The following C8orf34 variants were observed in gnomAD, a reference collection of about 807,000 sequenced individuals.
C8orf34 encodes uncharacterized protein C8orf34.
Under a neutral mutation model 68.3 loss-of-function variants are expected in C8orf34, and 65 were observed. The ratio of observed to expected loss-of-function variants is 0.95; its 90% CI spans 0.78 to 1.17. The LOEUF is 1.17. C8orf34 is among the 50% of genes most tolerant of loss of function. The pLI is 0.00. For missense variants in C8orf34, 664 were observed against 655.4 expected, an observed-to-expected ratio of 1.01 and a Z score of -0.14; for synonymous variants, 244 against 241.2, an observed-to-expected ratio of 1.01 and a Z score of -0.11.
intron 12 of C8orf34, among the ~76,000 whole-genome samples, chr8:68,812,775 T>C (rs944737765): frequency 6.6e-6 from 1 of 152,212 alleles, no homozygotes; most frequent in Non-Finnish European, 1.5e-5. Flanking sequence ...ATTGGTTACG[T>C]AACTTTTAAA....
In C8orf34 at chr8:68,625,501, C is replaced by A; in HGVS notation, c.1106-14875C>A. ...TTGAAAATGGTCTTGTAAAATTCCA[C>A]TTGGGGTGGCGATGCTTTGTGGCTT... On this transcript the variant is annotated intron_variant, in intron 7 of 13. Transcript: ENST00000518698. The A allele has an allele frequency of 5.0e-6, 3 of 595,906 alleles. 1 individual carries two copies. The highest frequency in any genetic ancestry group is 9.2e-6 in the Non-Finnish European group (3 of 326,864). 36.9% of individuals were successfully genotyped at this position (595,906 alleles called of 1,614,324 possible).
intron 8 of C8orf34, among the ~76,000 whole-genome samples, chr8:68,686,868 A>T (rs1479381395): frequency 6.6e-6 from 1 of 152,152 alleles, no homozygotes; most frequent in African/African-American, 2.4e-5. Flanking sequence ...TCCTATACCT[A>T]GAAAACCCTA....
chr8:68,526,903 G>A (rs1815019906), intron 6 of C8orf34, among the ~76,000 whole-genome samples: 1 of 152,150 alleles, frequency 6.6e-6, no homozygotes, highest in Admixed American at 6.5e-5. Flanking sequence ...AGGAGGAGGA[G>A]GGCCAGTGGT....
intron 8 of C8orf34, among the ~76,000 whole-genome samples, chr8:68,704,830 A>G (rs558682975): frequency 6.6e-6 from 1 of 152,274 alleles, no homozygotes; most frequent in African/African-American, 2.4e-5. Flanking sequence ...TAACATGAGT[A>G]TAATGTTAAC....
chr8:68,452,129 T>A (rs1803953956), intron 3 of C8orf34, among the ~76,000 whole-genome samples: 1 of 151,932 alleles, frequency 6.6e-6, no homozygotes, highest in Admixed American at 6.6e-5. Context: ...CTGATGGGTA[T>A]TTTGTTTGCT....
At chr8:68,652,131 T>C (rs1391172201) in intron 8 of C8orf34, among the ~76,000 whole-genome samples, 1 of 152,204 alleles carries the variant, frequency 6.6e-6, no homozygotes. Flanking sequence ...TTAAGCAAGA[T>C]GCCTGACAGA....
At chr8:68,378,386 C>T (rs1249978103) in intron 1 of C8orf34, among the ~76,000 whole-genome samples, 3 of 152,078 alleles carry the variant, frequency 2.0e-5, no homozygotes, top group South Asian at 4.1e-4. Flanking sequence ...ACAATCTAGG[C>T]TCATTGCAGC....
chr8:68,755,260 A>G lies in C8orf34; in HGVS notation c.1405-21139A>G, dbSNP rs957236422. Among the ~76,000 whole-genome samples the G allele has an allele frequency of 8.4e-4, 128 of 152,186 alleles. 4 individuals carry two copies. ...AGATTCAGTGATGAGGGAAAGTTGT[A>G]TTCCGGATTATGTGAGTGTCTTCCT... On this transcript the variant is annotated intron_variant, in intron 10 of 13. Coordinates refer to ENST00000518698, the MANE Select transcript of C8orf34 (RefSeq NM_052958.4).
intron 7 of C8orf34, among the ~76,000 whole-genome samples, chr8:68,546,983 A>T (rs778780287): frequency 2.0e-5 from 3 of 151,806 alleles, no homozygotes; most frequent in Non-Finnish European, 4.4e-5. Context: ...AAAATTATTG[A>T]TATAAGTTCC....
chr8:68,471,279 T>A (rs762552896), intron 4 of C8orf34, among the ~76,000 whole-genome samples: 2 of 152,126 alleles, frequency 1.3e-5, no homozygotes, highest in Non-Finnish European at 2.9e-5. Context: ...GCTCTTTGAC[T>A]ATTTTTCTGA....
intron 10 of C8orf34, among the ~76,000 whole-genome samples, chr8:68,759,106 A>AAT (rs1822954523): frequency 6.6e-6 from 1 of 152,170 alleles, no homozygotes; most frequent in Non-Finnish European, 1.5e-5. Context: ...ACACATATGA[A>AAT]ATATATACAC....
chr8:68,732,793 G>C (rs765335198), intron 10 of C8orf34, among the ~76,000 whole-genome samples: 7 of 152,116 alleles, frequency 4.6e-5, no homozygotes, highest in Non-Finnish European at 8.8e-5. Flanking sequence ...AAATTTGTTA[G>C]AAGCTGGGCG....
At chr8:68,535,914 T>C in intron 7 of C8orf34, 2 of 959,520 alleles carry the variant, frequency 2.1e-6, no homozygotes, top group Non-Finnish European at 2.5e-6. Context: ...TGCCAAGTCA[T>C]CTCATGCTCA....
intron 7 of C8orf34, among the ~76,000 whole-genome samples, chr8:68,537,954 T>A (rs941363989): frequency 5.3e-5 from 8 of 152,136 alleles, no homozygotes; most frequent in Admixed American, 2.0e-4. Context: ...TTGTAAAAAA[T>A]TTCCAGTGGT....
intron 8 of C8orf34, among the ~76,000 whole-genome samples, chr8:68,692,572 C>T (rs77388643): frequency 6.6e-5 from 10 of 151,790 alleles, no homozygotes; most frequent in Non-Finnish European, 1.2e-4. Context: ...AAAAAGACTT[C>T]GAGTTTCTAA....
chr8:68,758,053 T>C (rs1185555062), intron 10 of C8orf34, among the ~76,000 whole-genome samples: 1 of 152,226 alleles, frequency 6.6e-6, no homozygotes, highest in Non-Finnish European at 1.5e-5. Flanking sequence ...AGCAAATATT[T>C]ACTGCGTGCC....
At chr8:68,686,201 C>T (rs1240361314) in intron 8 of C8orf34, among the ~76,000 whole-genome samples, 1 of 151,962 alleles carries the variant, frequency 6.6e-6, no homozygotes, top group Non-Finnish European at 1.5e-5. Flanking sequence ...CTGAATTCTA[C>T]CAGATATTCA....
intron 7 of C8orf34, among the ~76,000 whole-genome samples, chr8:68,605,177 A>G (rs1473505838): frequency 6.6e-6 from 1 of 152,156 alleles, no homozygotes; most frequent in East Asian, 1.9e-4. Context: ...CACACCTGTT[A>G]GAAGGGCCAA....
At chr8:68,793,122 G>A (rs1303188712) in intron 12 of C8orf34, among the ~76,000 whole-genome samples, 1 of 152,080 alleles carries the variant, frequency 6.6e-6, no homozygotes, top group Admixed American at 6.6e-5. Flanking sequence ...AAATTGGAAA[G>A]CATAACAAAC....
Sources: allele counts gnomAD v4.1 joint callset (sites outside exome capture counted in the v4.1 genomes callset), GRCh38; gene constraint gnomAD v4.1.1; transcripts MANE v1.5; gene names NCBI Gene and HGNC (gene_info 2026-07-23, HGNC 2026-07-21).